DDI2: variants seen among roughly 807,000 people sequenced by gnomAD.
DDI2 encodes the protein protein DDI1 homolog 2.
In DDI2, 5 loss-of-function variants were observed where a neutral mutation model predicts 48.1. The observed-to-expected ratio is 0.10, with a 90% CI of 0.05 to 0.22. The LOEUF is 0.22. DDI2 is among the 10% of genes least tolerant of loss of function. The pLI, the probability that DDI2 is intolerant of heterozygous loss-of-function variation, is 1.00. For synonymous variants in DDI2, 205 were observed against 183.6 expected (o/e 1.12, Z -0.94); for missense variants, 285 against 506.2 (o/e 0.56, Z 4.19).
intron 1 of DDI2, 86 bp from the exon 2 acceptor site, chr1:15,626,583 C>G: frequency 1.3e-6 from 2 of 1,564,916 alleles, no homozygotes; most frequent in Non-Finnish European, 1.7e-6. Context: ...AGGGTGACAT[C>G]TGATTCAGGG....
chr1:15,626,260 A>G (rs1246198929), intron 1 of DDI2, among the ~76,000 whole-genome samples: 2 of 152,256 alleles, frequency 1.3e-5, no homozygotes, highest in Admixed American at 6.5e-5. Context: ...GCAGAAGGAC[A>G]ATAAGTAAAT....
chr1:15,658,553 A>G (rs924312112), intron 9 of DDI2, among the ~76,000 whole-genome samples: 21 of 151,270 alleles, frequency 1.4e-4, no homozygotes, highest in Non-Finnish European at 2.5e-4. Flanking sequence ...ACCTGAGGTC[A>G]AGAGTTTGAG....
At chr1:15,654,623 A>G (rs2103479670) in intron 8 of DDI2, among the ~76,000 whole-genome samples, 1 of 151,628 alleles carries the variant, frequency 6.6e-6, no homozygotes, top group African/African-American at 2.4e-5. Context: ...TGCCACTGCA[A>G]TCCAGCCTGG....
chr1:15,638,439 C>T lies in DDI2; in HGVS notation c.760+5C>T, dbSNP rs769709935. 14 of 1,610,970 alleles carry T rather than the reference C, an allele frequency of 8.7e-6. No individual in the cohort carries two copies. In the East Asian group the frequency reaches 1.8e-4, roughly 21 times the overall value. On this transcript the variant is annotated splice_donor_5th_base_variant and intron_variant, in intron 5 of 9. Transcript: ENST00000480945. ...TGAAAGCCTTTGTTGACTCAGGTGACGTCTCTGTCTTTTATTTCTTGGTCT... is the reference window on the plus strand; with the variant it reads ...TGAAAGCCTTTGTTGACTCAGGTGATGTCTCTGTCTTTTATTTCTTGGTCT...
At chr1:15,623,124 C>T (rs1639696137) in intron 1 of DDI2, among the ~76,000 whole-genome samples, 1 of 152,134 alleles carries the variant, frequency 6.6e-6, no homozygotes, top group African/African-American at 2.4e-5. Context: ...TGAAGTATGG[C>T]ATCTGTGAAG....
chr1:15,617,583 G>C lies in DDI2; in HGVS notation c.-88G>C. ...GAGCAGCCGGCGCCGTCCTCCCGCAGCACCAGCCAGGCCACGCCGCCGCCT... is the reference window on the plus strand; with the variant it reads ...GAGCAGCCGGCGCCGTCCTCCCGCACCACCAGCCAGGCCACGCCGCCGCCT... On this transcript the variant is annotated 5_prime_UTR_variant, in exon 1 of 10. Coordinates refer to ENST00000480945, the MANE Select transcript of DDI2 (RefSeq NM_032341.5). 2 of 1,163,268 alleles carry C rather than the reference G, an allele frequency of 1.7e-6. No homozygotes were observed. Among genetic ancestry groups the C allele is most frequent in the Non-Finnish European group, 1.1e-6 (1 of 918,800 alleles). The allele number at this position is 1,163,268 out of a possible 1,614,324, so 72.1% of individuals were successfully genotyped here. A position where few individuals can be genotyped will look rare whatever the true frequency, so the allele number is the denominator to read the frequency against.
In DDI2 at chr1:15,661,440, A is replaced by G. The variant is rs1288556755; in HGVS notation, c.*1650A>G. 6.2e-7 allele frequency: 1 copy of G among 1,614,138 alleles called. No homozygotes were observed. Among genetic ancestry groups the G allele is most frequent in the Non-Finnish European group, 8.5e-7 (1 of 1,180,006 alleles). ...CCAATTTCATATTGGTTAAAGACTTAGGTCAGGGCATACAGAATTCAGTAA... is the reference window on the plus strand; with the variant it reads ...CCAATTTCATATTGGTTAAAGACTTGGGTCAGGGCATACAGAATTCAGTAA... On this transcript the variant is annotated 3_prime_UTR_variant, in exon 10 of 10. Coordinates refer to ENST00000480945, the MANE Select transcript of DDI2 (RefSeq NM_032341.5).
At position 15,662,332 on chromosome 1, in the gene DDI2, AT is replaced by A. The variant is rs1323670834; in HGVS notation, c.*2546del. ...TTTATTTGTGTGCTTAGGATTTGAC[AT>A]TTTAATAGGGCGAGCAGGAGGGTTT... On this transcript the variant is annotated 3_prime_UTR_variant, in exon 10 of 10. Transcript: ENST00000480945. 6.6e-6 allele frequency: 1 copy of A among 152,258 alleles called. No individual in the cohort carries two copies. The highest frequency in any genetic ancestry group is 1.9e-4 in the East Asian group (1 of 5,204). 9.4% of individuals were successfully genotyped at this position (152,258 alleles called of 1,614,324 possible).
Position 15,649,696 on chromosome 1 carries a change from C to G in DDI2, c.890-24C>G, listed in dbSNP as rs762217835. On this transcript the variant is annotated intron_variant, in intron 6 of 9. Coordinates refer to ENST00000480945, the MANE Select transcript of DDI2 (RefSeq NM_032341.5). ...CTGTTTTGAAGTACGTAACAATAACCTTTTCTCTTCATGTGCTTTTTAGCT... is the reference window on the plus strand; with the variant it reads ...CTGTTTTGAAGTACGTAACAATAACGTTTTCTCTTCATGTGCTTTTTAGCT... 4 of 1,602,350 alleles carry G rather than the reference C, an allele frequency of 2.5e-6. No individual in the cohort carries two copies. In the African/African-American group the frequency reaches 5.4e-5, roughly 22 times the overall value.
At position 15,660,401 on chromosome 1, in the gene DDI2, T is replaced by G. The variant is rs1038944215; in HGVS notation, c.*611T>G. On this transcript the variant is annotated 3_prime_UTR_variant, in exon 10 of 10. Transcript: ENST00000480945. ...GAACCAGGGAATGAACAGTATGAGG[T>G]TGCACAACAAAAAGCTTCACATGAC... The G allele has an allele frequency of 6.2e-7, 1 of 1,613,692 alleles. No homozygotes were observed. The highest frequency in any genetic ancestry group is 1.3e-5 in the African/African-American group (1 of 74,822).
chr1:15,663,292 TGGA>T lies in DDI2; in HGVS notation c.*3505_*3507del, dbSNP rs1640407560. On this transcript the variant is annotated 3_prime_UTR_variant, in exon 10 of 10. Transcript: ENST00000480945. ...TTTAAGTCATTGAGCACAATCAAAATGGAGGCTCATATCTCAGGAGTTTTTGAA... is the reference window on the plus strand; with the variant it reads ...TTTAAGTCATTGAGCACAATCAAAATGGCTCATATCTCAGGAGTTTTTGAA... 1 of 152,246 alleles carries T rather than the reference TGGA, an allele frequency of 6.6e-6. No individual in the cohort carries two copies. Among genetic ancestry groups the T allele is most frequent in the Non-Finnish European group, 1.5e-5 (1 of 68,036 alleles). 9.4% of individuals were successfully genotyped at this position (152,246 alleles called of 1,614,324 possible).
chr1:15,628,866 CT>C (rs1639799891), intron 2 of DDI2, among the ~76,000 whole-genome samples: 1 of 152,210 alleles, frequency 6.6e-6, no homozygotes, highest in African/African-American at 2.4e-5. Context: ...CCATTTCCCC[CT>C]AGTCTCCGCA....
chr1:15,624,800 AG>A (rs377006077), intron 1 of DDI2, among the ~76,000 whole-genome samples: 1 of 152,146 alleles, frequency 6.6e-6, no homozygotes, highest in African/African-American at 2.4e-5. Context: ...TTTTCACAAA[AG>A]AAAATTTGCA....
intron 8 of DDI2, among the ~76,000 whole-genome samples, chr1:15,652,751 G>T (rs1017557198): frequency 2.0e-5 from 3 of 151,768 alleles, no homozygotes; most frequent in African/African-American, 7.3e-5. Flanking sequence ...TAAACCCAGG[G>T]GGCGGAGCTT....
intron 7 of DDI2, 32 bp downstream of exon 7, chr1:15,649,855 T>C: frequency 6.3e-7 from 1 of 1,589,826 alleles, no homozygotes. Context: ...TTTTTTTGCA[T>C]CTGCTTTTTG....
intron 9 of DDI2, chr1:15,656,967 A>C (rs1640282976): frequency 2.6e-5 from 7 of 266,310 alleles, no homozygotes; most frequent in Non-Finnish European, 5.0e-5. Flanking sequence ...TAAATATCAC[A>C]TCAAGAATAT....
In DDI2 at chr1:15,659,821, C is replaced by A; in HGVS notation, c.*47-16C>A. On this transcript the variant is annotated splice_polypyrimidine_tract_variant and intron_variant, in intron 9 of 9. Transcript: ENST00000480945. Reference sequence around the variant, plus strand: ...CTGCTAATTAATCTTTTTCCTTTCCCCTGTGTTCCATATAGAGAAAAGTGG... The same window carrying A: ...CTGCTAATTAATCTTTTTCCTTTCCACTGTGTTCCATATAGAGAAAAGTGG... The A allele has an allele frequency of 6.7e-7, 1 of 1,501,470 alleles. No homozygotes were observed. 93.0% of individuals were successfully genotyped at this position (1,501,470 alleles called of 1,614,324 possible).
chr1:15,617,533 T>TGAGGGAGG lies in DDI2; in HGVS notation c.-134_-127dup, dbSNP rs1472911064. ...GAGGGAGTGACTCACTGAGCGTGTG[T>TGAGGGAGG]GAGGGAGGGAGCGAGCGAGCGAACG... On this transcript the variant is annotated 5_prime_UTR_variant, in exon 1 of 10. Coordinates refer to ENST00000480945, the MANE Select transcript of DDI2 (RefSeq NM_032341.5). 1.3e-5 allele frequency: 8 copies of TGAGGGAGG among 605,464 alleles called. No individual in the cohort carries two copies. The highest frequency in any genetic ancestry group is 1.9e-5 in the Non-Finnish European group (8 of 420,464). 37.5% of individuals were successfully genotyped at this position (605,464 alleles called of 1,614,324 possible).
At position 15,656,281 on chromosome 1, in the gene DDI2, A is replaced by G. The variant is rs1237536047; in HGVS notation, c.1184-336A>G. The stretch of plus-strand genomic sequence containing the variant: ...AGATATGTTCACTCACCTTTACTCC[A>G]TAAGATTTTTTTAATCACCTAATTC... On this transcript the variant is annotated intron_variant, in intron 8 of 9. Coordinates refer to ENST00000480945, the MANE Select transcript of DDI2 (RefSeq NM_032341.5). 21 of 570,202 alleles carry G rather than the reference A, an allele frequency of 3.7e-5. No individual in the cohort carries two copies. The Admixed American group carries it at 5.4e-4, about 15-fold the overall frequency. 35.3% of individuals were successfully genotyped at this position (570,202 alleles called of 1,614,324 possible). A position where few individuals can be genotyped will look rare whatever the true frequency, so the allele number is the denominator to read the frequency against.
Sources: gnomAD v4.1 joint callset for allele counts (sites outside exome capture counted in the v4.1 genomes callset) on GRCh38, gnomAD v4.1.1 for gene constraint, MANE v1.5 for transcripts, NCBI Gene and HGNC (gene_info 2026-07-23, HGNC 2026-07-21) for gene names.